Variants in HDAC5 observed in about 807,000 individuals in gnomAD.
The protein encoded by HDAC5 is antigen NY-CO-9.
Under a neutral mutation model 133.3 loss-of-function variants are expected in HDAC5, and 25 were observed. The ratio of observed to expected loss-of-function variants is 0.19; its 90% CI spans 0.14 to 0.26. HDAC5 has a LOEUF of 0.26. HDAC5 is among the 10% of genes least tolerant of loss of function. The probability of loss-of-function intolerance (pLI) is 1.00; values close to 1 mark genes in which losing one functional copy is unlikely to be tolerated. For synonymous variants in HDAC5, 589 were observed against 610.8 expected, an observed-to-expected ratio of 0.96 and a Z score of 0.53; for missense variants, 1,041 against 1,460.5, an observed-to-expected ratio of 0.71 and a Z score of 4.68.
chr17:44,121,992 A>G (rs1390465050), intron 1 of HDAC5, among the ~76,000 whole-genome samples: 1 of 152,120 alleles, frequency 6.6e-6, no homozygotes, highest in Non-Finnish European at 1.5e-5. Flanking sequence ...CCCAGATCCA[A>G]GTTCAAGTGA....
intron 6 of HDAC5, 71 bp downstream of exon 6, chr17:44,093,021 T>C (rs2143282177): frequency 1.8e-6 from 2 of 1,123,236 alleles, no homozygotes; most frequent in South Asian, 1.5e-5. Flanking sequence ...AAGAAGCCCC[T>C]TGCCATCCTA....
chr17:44,122,010 G>T (rs1437221838), intron 1 of HDAC5, among the ~76,000 whole-genome samples: 1 of 152,130 alleles, frequency 6.6e-6, no homozygotes, highest in African/African-American at 2.4e-5. Context: ...TGAAGAGAGG[G>T]CAAAGAGAGG....
chr17:44,078,112 A>T lies in HDAC5; in HGVS notation c.*264T>A. On this transcript the variant is annotated 3_prime_UTR_variant, in exon 27 of 27. Transcript: ENST00000682912. ...GCTGGCCCAGGCTCCAAGGAGGAAA[A>T]GGACAGACAGAATGCAGGAAAATGG... 1 of 371,650 alleles carries T rather than the reference A, an allele frequency of 2.7e-6. No individual in the cohort carries two copies. The highest frequency in any genetic ancestry group is 4.8e-6 in the Non-Finnish European group (1 of 207,766). 23.0% of individuals were successfully genotyped at this position (371,650 alleles called of 1,614,324 possible).
Position 44,093,144 on chromosome 17 carries a change from C to T in HDAC5, c.589G>A (p.Glu197Lys). ...LQEFLLSKSK[E>K]PTPGGLNHSL... ...TGGTTGAGGCCGCCTGGTGTGGGCTCCTTTGACTTCGACAAGAGGAATTCC... is the reference window on the plus strand; with the variant it reads ...TGGTTGAGGCCGCCTGGTGTGGGCTTCTTTGACTTCGACAAGAGGAATTCC... The change falls in exon 6 of 27, where the codon GAG (glutamate) becomes AAG (lysine). Residue 197 changes from glutamate to lysine, a missense_variant. This residue lies in a region of HDAC5 where 109 missense variants were observed against 168.0 expected (regional missense o/e 0.65). Transcript: ENST00000682912. 6.2e-7 allele frequency: 1 copy of T among 1,613,862 alleles called. No homozygotes were observed. Among genetic ancestry groups the T allele is most frequent in the Non-Finnish European group, 8.5e-7 (1 of 1,179,884 alleles).
chr17:44,087,145 A>C (rs1171404736), intron 13 of HDAC5, among the ~76,000 whole-genome samples: 1 of 151,638 alleles, frequency 6.6e-6, no homozygotes, highest in Non-Finnish European at 1.5e-5. Context: ...ATGCATACAC[A>C]GACACACAAG....
intron 2 of HDAC5, 120 bp from the exon 3 acceptor site, chr17:44,110,920 G>T: frequency 1.2e-6 from 1 of 826,916 alleles, no homozygotes; most frequent in Non-Finnish European, 2.0e-6. Flanking sequence ...CAGACCGAAG[G>T]GAAGGTGGTC....
intron 15 of HDAC5, 21 bp downstream of exon 15, chr17:44,084,998 CAGA>C (rs753575395): frequency 2.6e-6 from 4 of 1,567,934 alleles, no homozygotes; most frequent in Non-Finnish European, 1.7e-6. Context: ...AGTTGAGAGC[CAGA>C]AGAAGGAGGG....
At chr17:44,082,410 A>T in intron 20 of HDAC5, 175 bp downstream of exon 20, 1 of 603,200 alleles carries the variant, frequency 1.7e-6, no homozygotes. Context: ...TTGGAATGTG[A>T]CGTTAGTCAT....
At chr17:44,097,732 G>A (rs1429688342) in intron 3 of HDAC5, among the ~76,000 whole-genome samples, 1 of 152,272 alleles carries the variant, frequency 6.6e-6, no homozygotes, top group Non-Finnish European at 1.5e-5. Context: ...ATTCCAGCCT[G>A]CCTGCCCAGG....
chr17:44,114,948 A>C (rs2052564237), intron 2 of HDAC5, among the ~76,000 whole-genome samples: 1 of 152,218 alleles, frequency 6.6e-6, no homozygotes, highest in African/African-American at 2.4e-5. Flanking sequence ...AAAGGCTGGT[A>C]GGCAGCCCGA....
intron 14 of HDAC5, chr17:44,085,467 GT>G (rs972259935): frequency 8.9e-6 from 2 of 224,414 alleles, no homozygotes; most frequent in African/African-American, 4.6e-5. Flanking sequence ...CCACCTCAGC[GT>G]TCTGAGTAGC....
intron 23 of HDAC5, 125 bp from the exon 24 acceptor site, chr17:44,079,402 G>A: frequency 1.1e-6 from 1 of 922,972 alleles, no homozygotes; most frequent in Non-Finnish European, 1.6e-6. Flanking sequence ...AGCACTTTGG[G>A]AGGCCAAGGC....
intron 2 of HDAC5, among the ~76,000 whole-genome samples, chr17:44,112,886 T>G (rs544447453): frequency 6.6e-6 from 1 of 152,158 alleles, no homozygotes; most frequent in African/African-American, 2.4e-5. Flanking sequence ...GGAACAGTAC[T>G]CCCTCAGAGG....
intron 1 of HDAC5, among the ~76,000 whole-genome samples, chr17:44,122,216 G>C (rs906839077): frequency 1.3e-5 from 2 of 152,118 alleles, no homozygotes. Context: ...GGGTGCCTAG[G>C]ACTGGGGAGA....
chr17:44,109,261 G>A (rs1479868581), intron 3 of HDAC5, among the ~76,000 whole-genome samples: 1 of 152,218 alleles, frequency 6.6e-6, no homozygotes, highest in African/African-American at 2.4e-5. Flanking sequence ...TTGAGTCCCA[G>A]AGGCTGTGGG....
At chr17:44,105,390 C>T (rs2051869674) in intron 3 of HDAC5, among the ~76,000 whole-genome samples, 1 of 152,222 alleles carries the variant, frequency 6.6e-6, no homozygotes, top group Admixed American at 6.5e-5. Flanking sequence ...TCCTGGGATG[C>T]TCTCTGGAGA....
intron 3 of HDAC5, among the ~76,000 whole-genome samples, chr17:44,097,180 C>T (rs757369977): frequency 1.1e-4 from 17 of 152,252 alleles, no homozygotes; most frequent in Admixed American, 7.8e-4. Context: ...TGCTGGAGGC[C>T]GAGGCCAAGG....
At chr17:44,113,024 G>A (rs1028326150) in intron 2 of HDAC5, among the ~76,000 whole-genome samples, 1 of 152,152 alleles carries the variant, frequency 6.6e-6, no homozygotes, top group African/African-American at 2.4e-5. Flanking sequence ...GTGGGGTGAT[G>A]GGCAGCAGAT....
intron 23 of HDAC5, among the ~76,000 whole-genome samples, chr17:44,079,589 G>A (rs566837500): frequency 3.8e-5 from 5 of 130,122 alleles, no homozygotes; most frequent in East Asian, 4.9e-4. Context: ...GCAGTGAGCC[G>A]AGATCACGCC....
Sources: gnomAD v4.1 joint callset for allele counts (sites outside exome capture counted in the v4.1 genomes callset) on GRCh38, gnomAD v4.1.1 for gene constraint, gnomAD v4.1.1 regional missense constraint, MANE v1.5 for transcripts, NCBI Gene and HGNC (gene_info 2026-07-23, HGNC 2026-07-21) for gene names.